Variants in TENM2 observed in about 807,000 individuals in gnomAD.
TENM2 encodes teneurin-2.
Under a neutral mutation model 245.2 loss-of-function variants are expected in TENM2, and 52 were observed. The observed-to-expected ratio is 0.21, with a 90% confidence interval of 0.17 to 0.27. The LOEUF (loss-of-function observed/expected upper bound fraction) is 0.27. Among genes scored for constraint, TENM2 ranks in the 10% least tolerant of loss-of-function variants. The pLI is 1.00. For missense variants in TENM2, 3,046 were observed against 3,666.8 expected (o/e 0.83, Z 4.37); for synonymous variants, 1,363 against 1,438.9 (o/e 0.95, Z 1.19).
intron 10 of TENM2, among the ~76,000 whole-genome samples, chr5:168,122,427 C>T (rs999612337): frequency 1.3e-5 from 2 of 152,158 alleles, no homozygotes; most frequent in African/African-American, 4.8e-5. Context: ...CCACCCACCT[C>T]GGCCTCCCAA....
At chr5:167,936,640 G>A (rs1195711012) in intron 3 of TENM2, among the ~76,000 whole-genome samples, 3 of 152,150 alleles carry the variant, frequency 2.0e-5, no homozygotes, top group Admixed American at 1.3e-4. Context: ...TTTTATTGTG[G>A]TATTATATTT....
chr5:167,951,021 G>A (rs987679469), intron 3 of TENM2, among the ~76,000 whole-genome samples: 9 of 152,150 alleles, frequency 5.9e-5, no homozygotes, highest in Non-Finnish European at 1.0e-4. Flanking sequence ...CTAGAGATGC[G>A]AACTTCAAGG....
intron 1 of TENM2, among the ~76,000 whole-genome samples, chr5:167,301,477 A>C (rs59920292): frequency 1.3e-4 from 20 of 152,028 alleles, no homozygotes; most frequent in Non-Finnish European, 2.2e-4. Flanking sequence ...ATTGCAACTC[A>C]GAAATATGTT....
At chr5:167,886,073 T>A (rs1774265116) in intron 3 of TENM2, among the ~76,000 whole-genome samples, 1 of 152,190 alleles carries the variant, frequency 6.6e-6, no homozygotes, top group Non-Finnish European at 1.5e-5. Context: ...TCAACTGTGT[T>A]TGGCCACAGT....
At chr5:167,618,703 G>T (rs1338477732) in intron 2 of TENM2, among the ~76,000 whole-genome samples, 1 of 152,192 alleles carries the variant, frequency 6.6e-6, no homozygotes, top group East Asian at 1.9e-4. Flanking sequence ...AACCTTCTTT[G>T]CAATAAATTT....
the TENM2 span, among the ~76,000 whole-genome samples, chr5:166,979,377 C>G: frequency 1.3e-5 from 2 of 151,950 alleles, no homozygotes; most frequent in Non-Finnish European, 2.9e-5. Flanking sequence ...TTTTCCCCTT[C>G]TTTCCCTCTC....
chr5:167,424,876 G>T lies in TENM2; in HGVS notation c.502+49403G>T, dbSNP rs73373226. ...TCTAACCTCATTCGCTCAGCTCTGG[G>T]AGTTATAATGTTTCATAAAGGAAGT... On this transcript the variant is annotated intron_variant, in intron 2 of 28. Coordinates refer to ENST00000518659, the Ensembl canonical transcript of TENM2. Among the ~76,000 whole-genome samples the T allele has an allele frequency of 5.0e-3, 754 of 152,204 alleles. 1 individual carries two copies. The highest frequency in any genetic ancestry group is 0.017 in the African/African-American group (724 of 41,520).
Position 167,708,348 on chromosome 5 carries a change from G to A in TENM2, c.503-167638G>A, listed in dbSNP as rs77856443. 2.6e-5 allele frequency among the ~76,000 whole-genome samples: 4 copies of A among 152,076 alleles called. No individual in the cohort carries two copies. In the East Asian group the frequency reaches 5.8e-4, roughly 22 times the overall value. The stretch of plus-strand genomic sequence containing the variant: ...TATATGCACTTTTAATATTGAGAGT[G>A]TCACTGTTAGGGTGAAACTGCACCA... On this transcript the variant is annotated intron_variant, in intron 2 of 28. Transcript: ENST00000518659.
At chr5:167,825,696 C>T (rs11950268) in intron 2 of TENM2, among the ~76,000 whole-genome samples, 2,688 of 152,178 alleles carry the variant, frequency 0.018, 67 homozygotes, top group African/African-American at 0.055. Flanking sequence ...AAGTGTCAGG[C>T]TGGCCATGGA....
At position 167,932,166 on chromosome 5, in the gene TENM2, A is replaced by G. The variant is rs530759050; in HGVS notation, c.713-20422A>G. ...CATCATCTGTTGGCTGCTTAGCAGC[A>G]CACATCTTGCTGCAATTCCATCGTG... On this transcript the variant is annotated intron_variant, in intron 3 of 28. Coordinates refer to ENST00000518659, the Ensembl canonical transcript of TENM2. 7.7e-4 allele frequency among the ~76,000 whole-genome samples: 117 copies of G among 152,320 alleles called. 1 individual carries two copies. The highest frequency in any genetic ancestry group is 1.5e-3 in the Non-Finnish European group (104 of 68,036).
intron 2 of TENM2, among the ~76,000 whole-genome samples, chr5:167,582,969 T>G (rs1775199092): frequency 1.3e-5 from 2 of 152,218 alleles, no homozygotes; most frequent in Admixed American, 1.3e-4. Flanking sequence ...AAATTGTGAT[T>G]TATTTTATAT....
the TENM2 span, among the ~76,000 whole-genome samples, chr5:167,022,402 A>C: frequency 3.3e-5 from 5 of 152,340 alleles, no homozygotes; most frequent in African/African-American, 1.2e-4. Flanking sequence ...TACATGGTTA[A>C]AAGATGGATT....
At chr5:167,872,546 AAGAG>A (rs369075447) in intron 2 of TENM2, among the ~76,000 whole-genome samples, 2 of 113,726 alleles carry the variant, frequency 1.8e-5, no homozygotes, top group African/African-American at 8.2e-5. Context: ...GAAAGAAAGA[AAGAG>A]AAAGAAAGAA....
chr5:168,133,415 C>T (rs937770254), intron 12 of TENM2, among the ~76,000 whole-genome samples: 2 of 152,214 alleles, frequency 1.3e-5, no homozygotes, highest in African/African-American at 4.8e-5. Context: ...ATGAGCTGAT[C>T]TCTAAGGACC....
chr5:168,103,622 C>G (rs376818204), intron 9 of TENM2, among the ~76,000 whole-genome samples: 1 of 152,124 alleles, frequency 6.6e-6, no homozygotes, highest in African/African-American at 2.4e-5. Flanking sequence ...TAGCAAGATG[C>G]TATGCCCTCC....
chr5:168,035,496 CAAA>C (rs397949588), intron 5 of TENM2, among the ~76,000 whole-genome samples: 11 of 69,208 alleles, frequency 1.6e-4, no homozygotes, highest in Admixed American at 3.2e-4. Context: ...GACCCTGTCT[CAAA>C]AAAAAAAAAA....
intron 2 of TENM2, among the ~76,000 whole-genome samples, chr5:167,573,476 C>T (rs1449296708): frequency 6.6e-6 from 1 of 151,816 alleles, no homozygotes; most frequent in African/African-American, 2.4e-5. Context: ...GCCTGAAACC[C>T]GCTCTCTTTT....
chr5:168,175,807 G>C (rs1581539195), intron 13 of TENM2, among the ~76,000 whole-genome samples: 2 of 152,212 alleles, frequency 1.3e-5, no homozygotes, highest in South Asian at 2.1e-4. Context: ...AGCTTCTCCT[G>C]CTCTTACTTC....
At chr5:167,166,980 CA>C in the TENM2 span, among the ~76,000 whole-genome samples, 22 of 152,238 alleles carry the variant, frequency 1.4e-4, no homozygotes, top group Admixed American at 9.8e-4. Flanking sequence ...AACCTGGTGC[CA>C]AATTCCTATA....
Sources: allele counts gnomAD v4.1 joint callset (sites outside exome capture counted in the v4.1 genomes callset), GRCh38; gene constraint gnomAD v4.1.1; transcripts MANE v1.5; gene names NCBI Gene and HGNC (gene_info 2026-07-23, HGNC 2026-07-21).